The following ATP2B2 variants were observed in gnomAD, a reference collection of about 807,000 sequenced individuals.
ATP2B2 encodes ATPase plasma membrane Ca2+ transporting 2, also known as plasma membrane calcium-transporting ATPase 2.
ATP2B2 carries 15 observed loss-of-function variants against 120.0 expected under a neutral mutation model. The ratio of observed to expected loss-of-function variants is 0.12; its 90% CI spans 0.08 to 0.19. The LOEUF is 0.19. Ranked by LOEUF, ATP2B2 falls within the 10% of genes least tolerant of loss-of-function variation. The pLI is 1.00. For synonymous variants in ATP2B2, 694 were observed against 700.3 expected (o/e 0.99, Z 0.14); for missense variants, 1,045 against 1,719.8 (o/e 0.61, Z 6.94).
intron 1 of ATP2B2, among the ~76,000 whole-genome samples, chr3:10,665,437 C>T (rs7652316): frequency 7.2e-5 from 11 of 152,168 alleles, no homozygotes; most frequent in East Asian, 5.8e-4. Context: ...GCTCTGTGCA[C>T]GGCATGCACC....
At chr3:10,580,364 G>A (rs1001043496) in intron 2 of ATP2B2, among the ~76,000 whole-genome samples, 3 of 152,172 alleles carry the variant, frequency 2.0e-5, no homozygotes, top group African/African-American at 7.2e-5. Context: ...GAGGGCAGGG[G>A]TTTCTGTGTG....
At chr3:10,530,298 C>T (rs377596171) in intron 3 of ATP2B2, among the ~76,000 whole-genome samples, 3 of 152,148 alleles carry the variant, frequency 2.0e-5, no homozygotes, top group Admixed American at 1.3e-4. Flanking sequence ...CGAATCCTTC[C>T]GACATCCTCA....
At chr3:10,351,775 A>G (rs1044703470) in intron 14 of ATP2B2, among the ~76,000 whole-genome samples, 12 of 152,330 alleles carry the variant, frequency 7.9e-5, no homozygotes, top group Admixed American at 5.2e-4. Context: ...ACACAAAGAT[A>G]TGCAAAGGAG....
chr3:10,673,769 C>T (rs528308967), intron 1 of ATP2B2, among the ~76,000 whole-genome samples: 33 of 130,170 alleles, frequency 2.5e-4, no homozygotes, highest in African/African-American at 7.7e-4. Context: ...ATGGCACCAC[C>T]GCACTCTAGC....
intron 2 of ATP2B2, among the ~76,000 whole-genome samples, chr3:10,431,321 A>G (rs2063307472): frequency 6.6e-6 from 1 of 151,572 alleles, no homozygotes; most frequent in Non-Finnish European, 1.5e-5. Context: ...CTTTCATGAA[A>G]AGAGAGTCAA....
chr3:10,523,325 C>A (rs2067022449), intron 3 of ATP2B2, among the ~76,000 whole-genome samples: 1 of 152,204 alleles, frequency 6.6e-6, no homozygotes, highest in African/African-American at 2.4e-5. Flanking sequence ...GTATGACAAG[C>A]TTTTAACTTT....
At chr3:10,530,732 TC>T (rs2067194197) in intron 3 of ATP2B2, among the ~76,000 whole-genome samples, 1 of 152,182 alleles carries the variant, frequency 6.6e-6, no homozygotes, top group Non-Finnish European at 1.5e-5. Context: ...TACAAAGGGC[TC>T]CCATCCCCCA....
At chr3:10,479,378 C>T (rs1282846578) in intron 1 of ATP2B2, among the ~76,000 whole-genome samples, 2 of 151,858 alleles carry the variant, frequency 1.3e-5, no homozygotes, top group African/African-American at 2.4e-5. Flanking sequence ...GCCTAGAATG[C>T]TGTTCCCTCC....
At chr3:10,524,703 G>C (rs2067055370) in intron 3 of ATP2B2, among the ~76,000 whole-genome samples, 1 of 152,052 alleles carries the variant, frequency 6.6e-6, no homozygotes, top group African/African-American at 2.4e-5. Flanking sequence ...AGCCCTCTAA[G>C]GACAGGTATA....
At chr3:10,381,448 C>T (rs925801409) in intron 8 of ATP2B2, among the ~76,000 whole-genome samples, 3 of 152,148 alleles carry the variant, frequency 2.0e-5, no homozygotes, top group Admixed American at 2.0e-4. Flanking sequence ...ATGCAATAGC[C>T]GGTGTGTGCA....
chr3:10,604,464 T>C (rs1559481725), intron 2 of ATP2B2, among the ~76,000 whole-genome samples: 2 of 152,208 alleles, frequency 1.3e-5, no homozygotes, highest in Non-Finnish European at 2.9e-5. Flanking sequence ...TGGGTGCTTC[T>C]TGTGGGCCAG....
At chr3:10,706,462 C>A (rs1433664756) in intron 1 of ATP2B2, among the ~76,000 whole-genome samples, 1 of 152,184 alleles carries the variant, frequency 6.6e-6, no homozygotes, top group Non-Finnish European at 1.5e-5. Context: ...AGTTAGCCCA[C>A]CCAGTGGCTC....
At chr3:10,667,640 A>G (rs1406724395) in intron 1 of ATP2B2, among the ~76,000 whole-genome samples, 1 of 151,994 alleles carries the variant, frequency 6.6e-6, no homozygotes, top group Non-Finnish European at 1.5e-5. Flanking sequence ...CAGCAGGACA[A>G]GTGAAGGTAA....
intron 1 of ATP2B2, among the ~76,000 whole-genome samples, chr3:10,679,576 G>A (rs1301757173): frequency 1.3e-5 from 2 of 152,202 alleles, no homozygotes; most frequent in East Asian, 1.9e-4. Context: ...TGAAGTTAAA[G>A]TTGGAGCAGG....
At chr3:10,456,126 A>G (rs1334588828) in intron 1 of ATP2B2, among the ~76,000 whole-genome samples, 1 of 152,214 alleles carries the variant, frequency 6.6e-6, no homozygotes, top group Non-Finnish European at 1.5e-5. Context: ...TAATTTAACA[A>G]AGAAGGAATC....
chr3:10,454,132 A>G (rs554668425), intron 1 of ATP2B2, among the ~76,000 whole-genome samples: 24 of 152,318 alleles, frequency 1.6e-4, no homozygotes, highest in African/African-American at 5.8e-4. Context: ...TGAACAATCC[A>G]GAGAGGAACT....
Position 10,590,624 on chromosome 3 carries a change from C to T in ATP2B2, c.-415+29293G>A, listed in dbSNP as rs191288505. ...AGCTGCTCTTGGATTCACTCTGCGT[C>T]GTTCTTAGTGGAAGACTGCTCTCAG... On this transcript the variant is annotated intron_variant, in intron 2 of 21. Coordinates refer to the ATP2B2 transcript ENST00000646379. Among the ~76,000 whole-genome samples, 491 of 152,318 alleles carry T rather than the reference C, an allele frequency of 3.2e-3. 1 individual carries two copies. The highest frequency in any genetic ancestry group is 0.011 in the African/African-American group (461 of 41,568).
At chr3:10,448,779 A>G (rs1463457496) in intron 2 of ATP2B2, among the ~76,000 whole-genome samples, 1 of 152,140 alleles carries the variant, frequency 6.6e-6, no homozygotes, top group East Asian at 1.9e-4. Flanking sequence ...TGAGAGACAG[A>G]CTTGATTCCA....
chr3:10,373,983 T>C (rs547299707), intron 11 of ATP2B2, among the ~76,000 whole-genome samples: 19 of 152,162 alleles, frequency 1.2e-4, no homozygotes, highest in Non-Finnish European at 2.5e-4. Context: ...GGCTCCCAGG[T>C]CCAGGCTCAG....
Sources: allele counts gnomAD v4.1 joint callset (sites outside exome capture counted in the v4.1 genomes callset), GRCh38; gene constraint gnomAD v4.1.1; transcripts MANE v1.5; gene names NCBI Gene and HGNC (gene_info 2026-07-23, HGNC 2026-07-21).